The following ZKSCAN7 variants were observed in gnomAD, a reference collection of about 807,000 sequenced individuals.
ZKSCAN7 encodes the protein zinc finger with KRAB and SCAN domains 7, also known as zinc finger protein with KRAB and SCAN domains 7.
ZKSCAN7 carries 38 observed loss-of-function variants against 65.3 expected under a neutral mutation model. That is an observed-to-expected ratio of 0.58 (90% CI 0.45 to 0.76). The LOEUF (loss-of-function observed/expected upper bound fraction) is 0.76. Ranked by LOEUF, ZKSCAN7 falls within the 30% of genes least tolerant of loss-of-function variation. ZKSCAN7 has a pLI of 0.00. For synonymous variants in ZKSCAN7, 321 were observed against 321.0 expected (o/e 1.00, Z 0.00); for missense variants, 815 against 913.3 (o/e 0.89, Z 1.39).
At chr3:44,573,783 G>A (rs1699871536), downstream of ZKSCAN7, among the ~76,000 whole-genome samples, 1 of 152,028 alleles carries the variant, frequency 6.6e-6, no homozygotes, top group Admixed American at 6.6e-5. Context: ...TCTGGTTCTT[G>A]TCTGCTCATC....
intron 5 of ZKSCAN7, chr3:44,580,111 C>T (rs1700033697): frequency 3.7e-6 from 6 of 1,609,770 alleles, no homozygotes; most frequent in Non-Finnish European, 5.1e-6. Flanking sequence ...ATGTCCAAGG[C>T]CTCAAACTTT....
At chr3:44,559,174 CCTTA>C (rs1699390208) in intron 2 of ZKSCAN7, among the ~76,000 whole-genome samples, 1 of 151,824 alleles carries the variant, frequency 6.6e-6, no homozygotes, top group Non-Finnish European at 1.5e-5. Flanking sequence ...GTATAATCTC[CCTTA>C]CTTAAACTTA....
At position 44,572,067 on chromosome 3, in the gene ZKSCAN7, G is replaced by A. The variant is rs2125726969; in HGVS notation, c.*692G>A. 1.0e-6 allele frequency: 1 copy of A among 985,064 alleles called. No individual in the cohort carries two copies. Among genetic ancestry groups the A allele is most frequent in the Non-Finnish European group, 1.2e-6 (1 of 829,676 alleles). The allele number at this position is 985,064 out of a possible 1,614,324, so 61.0% of individuals were successfully genotyped here. A position where few individuals can be genotyped will look rare whatever the true frequency, so the allele number is the denominator to read the frequency against. On this transcript the variant is annotated 3_prime_UTR_variant, in exon 6 of 6. Transcript: ENST00000426540. ...CTGTATACTTTTATACCAACTTATT[G>A]TAGGCTCTTTGAGGTCAGGTATGTA...
At chr3:44,562,608 G>C (rs1381617275) in intron 2 of ZKSCAN7, among the ~76,000 whole-genome samples, 1 of 152,112 alleles carries the variant, frequency 6.6e-6, no homozygotes, top group Non-Finnish European at 1.5e-5. Context: ...TCCAGTTTCA[G>C]ATCTCTTTGT....
chr3:44,569,919 C>A lies in ZKSCAN7; in HGVS notation c.812-3C>A. ...AAAGTTGTTGTCTTCTTTCTTTGGG[C>A]AGCAGGTGAGAACATGATGAAGGGT... On this transcript the variant is annotated splice_polypyrimidine_tract_variant and splice_region_variant and intron_variant, in intron 5 of 5. Coordinates refer to ENST00000426540, the MANE Select transcript of ZKSCAN7 (RefSeq NM_001288590.2). The A allele has an allele frequency of 6.6e-7, 1 of 1,516,862 alleles. No individual in the cohort carries two copies. The highest frequency in any genetic ancestry group is 1.4e-5 in the South Asian group (1 of 73,170). 94.0% of individuals were successfully genotyped at this position (1,516,862 alleles called of 1,614,324 possible). A position where few individuals can be genotyped will look rare whatever the true frequency, so the allele number is the denominator to read the frequency against.
intron 2 of ZKSCAN7, among the ~76,000 whole-genome samples, chr3:44,558,534 A>G (rs1447635673): frequency 4.6e-5 from 7 of 151,728 alleles, no homozygotes; most frequent in African/African-American, 7.3e-5. Context: ...CAAAAAAAAA[A>G]AAAAAGAAAA....
chr3:44,568,784 C>G (rs1699710518), intron 5 of ZKSCAN7, among the ~76,000 whole-genome samples: 2 of 152,260 alleles, frequency 1.3e-5, no homozygotes, highest in East Asian at 1.9e-4. Flanking sequence ...GGGCCTTGAC[C>G]CTGGGAGCCT....
rs941693864 is a variant in ZKSCAN7, at chr3:44,555,410, C to G, written c.-190C>G. 2 of 152,328 alleles carry G rather than the reference C, an allele frequency of 1.3e-5. No individual in the cohort carries two copies. Among genetic ancestry groups the G allele is most frequent in the Non-Finnish European group, 2.9e-5 (2 of 68,092 alleles). The allele number at this position is 152,328 out of a possible 1,614,324, so 9.4% of individuals were successfully genotyped here. ...GTAGAGCCGCTTCTTTGTCTCATAC[C>G]CCTGACCATTCGTGCGTGGCACGGA... On this transcript the variant is annotated 5_prime_UTR_variant, in exon 1 of 6. Coordinates refer to ENST00000426540, the MANE Select transcript of ZKSCAN7 (RefSeq NM_001288590.2).
In ZKSCAN7 at chr3:44,570,875, A is replaced by G. The variant is rs1699786484; in HGVS notation, c.1765A>G (p.Asn589Asp). 6.2e-7 allele frequency: 1 copy of G among 1,614,258 alleles called. No individual in the cohort carries two copies. Among genetic ancestry groups the G allele is most frequent in the Non-Finnish European group, 8.5e-7 (1 of 1,180,050 alleles). The stretch of plus-strand genomic sequence containing the variant: ...ATGTAGTGAATGTGGGAAAGCCTTC[A>G]ATCAGAACTCTCAACTCATTGAGCA... ...YKCSECGKAF[N>D]QNSQLIEHER... The change falls in exon 6 of 6, where the codon AAT (asparagine) becomes GAT (aspartate). Residue 589 changes from asparagine (N) to aspartate (D), a missense_variant. Transcript: ENST00000426540.
At chr3:44,566,436 G>A (rs1346254166) in intron 3 of ZKSCAN7, among the ~76,000 whole-genome samples, 1 of 152,126 alleles carries the variant, frequency 6.6e-6, no homozygotes, top group African/African-American at 2.4e-5. Context: ...GAATAGATGT[G>A]ATTAATGCCT....
chr3:44,582,945 T>TGTGTGTGA (rs71092320), intron 5 of ZKSCAN7: 4 of 421,012 alleles, frequency 9.5e-6, no homozygotes, highest in African/African-American at 8.5e-5. Flanking sequence ...TGTGTGTGTG[T>TGTGTGTGA]GACTGAGTTT....
chr3:44,571,441 C>T lies in ZKSCAN7; in HGVS notation c.*66C>T. On this transcript the variant is annotated 3_prime_UTR_variant, in exon 6 of 6. Coordinates refer to ENST00000426540, the MANE Select transcript of ZKSCAN7 (RefSeq NM_001288590.2). ...AAGCTGTCTTTATAAGCAGGATGCT[C>T]ATAGTGGTTTCCCGGAGCCAGTAGT... The T allele has an allele frequency of 1.2e-6, 2 of 1,603,286 alleles. No homozygotes were observed. The highest frequency in any genetic ancestry group is 1.7e-6 in the Non-Finnish European group (2 of 1,179,880).
rs775041678 is a variant in ZKSCAN7, at chr3:44,571,358, G to A, written c.2248G>A (p.Ala750Thr). 1 of 1,614,052 alleles carries A rather than the reference G, an allele frequency of 6.2e-7. No individual in the cohort carries two copies. Among genetic ancestry groups the A allele is most frequent in the Non-Finnish European group, 8.5e-7 (1 of 1,180,032 alleles). Residue 750 changes from alanine to threonine, a missense_variant, in exon 6 of 6, where the codon GCT (alanine) becomes ACT (threonine). Transcript: ENST00000426540. ...THTGEKSSGL[A>T]WSVS ...CACTGGAGAGAAGTCCTCAGGTCTG[G>A]CTTGGTCAGTTTCTTAAGGTATGGT...
chr3:44,557,673 T>G, intron 2 of ZKSCAN7: 1 of 668,200 alleles, frequency 1.5e-6, no homozygotes, highest in Non-Finnish European at 2.5e-6. Flanking sequence ...TGATTCACCC[T>G]GTGAAATACT....
chr3:44,577,280 TC>T (rs1469977451), intron 5 of ZKSCAN7, among the ~76,000 whole-genome samples: 2 of 136,114 alleles, frequency 1.5e-5, no homozygotes, highest in Non-Finnish European at 3.3e-5. Context: ...AATAACCAAT[TC>T]TTTTTTTTTT....
chr3:44,580,448 G>C (rs1255316287), intron 5 of ZKSCAN7: 2 of 1,601,620 alleles, frequency 1.2e-6, no homozygotes, highest in Non-Finnish European at 1.7e-6. Context: ...TGGTGGTGGG[G>C]ACTTTCTCAG....
At chr3:44,567,164 G>T (rs1699657814) in intron 3 of ZKSCAN7, among the ~76,000 whole-genome samples, 1 of 83,102 alleles carries the variant, frequency 1.2e-5, no homozygotes, top group African/African-American at 4.7e-5. Context: ...GAAAGAAAAA[G>T]AGAAGAGAAA....
chr3:44,572,479 T>C (rs1036617405), downstream of ZKSCAN7, among the ~76,000 whole-genome samples: 3 of 151,900 alleles, frequency 2.0e-5, no homozygotes, highest in Non-Finnish European at 2.9e-5. Context: ...CATATCCCAC[T>C]GGTACGGACT....
At chr3:44,562,207 G>C (rs1332823973) in intron 2 of ZKSCAN7, among the ~76,000 whole-genome samples, 8 of 152,232 alleles carry the variant, frequency 5.3e-5, no homozygotes, top group Admixed American at 5.2e-4. Flanking sequence ...TGTGAAAGCT[G>C]CCAGCTTGGG....
Sources: gnomAD v4.1 joint callset for allele counts (sites outside exome capture counted in the v4.1 genomes callset) on GRCh38, gnomAD v4.1.1 for gene constraint, MANE v1.5 for transcripts, NCBI Gene and HGNC (gene_info 2026-07-23, HGNC 2026-07-21) for gene names.